The following ADGRL3 variants were observed in gnomAD, a reference collection of about 807,000 sequenced individuals.
ADGRL3 encodes adhesion G protein-coupled receptor L3, also known as calcium-independent alpha-latrotoxin receptor 3.
ADGRL3 carries 62 observed loss-of-function variants against 153.5 expected under a neutral mutation model. The observed-to-expected ratio is 0.40, with a 90% CI of 0.33 to 0.50. The LOEUF is 0.50. ADGRL3 is among the 20% of genes least tolerant of loss of function. ADGRL3 has a pLI of 0.47. For missense variants in ADGRL3, 1,641 were observed against 1,859.4 expected (o/e 0.88, Z 2.16); for synonymous variants, 710 against 672.5 (o/e 1.06, Z -0.86).
At chr4:61,830,455 A>G (rs2097856438) in intron 9 of ADGRL3, among the ~76,000 whole-genome samples, 1 of 152,208 alleles carries the variant, frequency 6.6e-6, no homozygotes, top group Non-Finnish European at 1.5e-5. Context: ...TTCTTTGGAC[A>G]TAACAACATG....
intron 8 of ADGRL3, among the ~76,000 whole-genome samples, chr4:61,761,440 A>C (rs6551654): frequency 0.58 from 88,227 of 152,018 alleles, 28,052 homozygotes; most frequent in African/African-American, 0.83. Context: ...TTTTATGAAT[A>C]AATCAGATTT....
At chr4:61,737,069 G>C (rs922073422) in intron 8 of ADGRL3, among the ~76,000 whole-genome samples, 2 of 150,684 alleles carry the variant, frequency 1.3e-5, no homozygotes, top group African/African-American at 4.9e-5. Context: ...AAATTACATT[G>C]ACTTTTTTTT....
At chr4:61,794,149 T>C (rs1395461466) in intron 8 of ADGRL3, among the ~76,000 whole-genome samples, 1 of 152,184 alleles carries the variant, frequency 6.6e-6, no homozygotes, top group African/African-American at 2.4e-5. Flanking sequence ...ATCATAGTTA[T>C]TTTTGTTGTT....
chr4:61,667,378 C>A (rs1162501241), intron 5 of ADGRL3, among the ~76,000 whole-genome samples: 1 of 151,834 alleles, frequency 6.6e-6, no homozygotes, highest in African/African-American at 2.4e-5. Flanking sequence ...TTTAAATTGC[C>A]ACTGAAAATT....
At chr4:61,548,925 G>A (rs993525475) in intron 4 of ADGRL3, among the ~76,000 whole-genome samples, 9 of 151,916 alleles carry the variant, frequency 5.9e-5, no homozygotes, top group Non-Finnish European at 1.5e-5. Flanking sequence ...CATTGATTTG[G>A]GCAATATGGG....
chr4:61,860,272 A>G (rs1402171194), intron 9 of ADGRL3, among the ~76,000 whole-genome samples: 3 of 152,092 alleles, frequency 2.0e-5, no homozygotes, highest in Non-Finnish European at 4.4e-5. Context: ...AACTTAGGAC[A>G]ACTGAACTGA....
At chr4:61,741,580 C>T (rs960507167) in intron 8 of ADGRL3, among the ~76,000 whole-genome samples, 1 of 152,200 alleles carries the variant, frequency 6.6e-6, no homozygotes, top group African/African-American at 2.4e-5. Flanking sequence ...AGAGCTATTC[C>T]ATTGCCACTT....
intron 5 of ADGRL3, among the ~76,000 whole-genome samples, chr4:61,652,228 A>T (rs1351536540): frequency 2.0e-5 from 3 of 152,202 alleles, no homozygotes; most frequent in African/African-American, 7.2e-5. Context: ...AAGATAATGC[A>T]TGGAGTGCAA....
intron 23 of ADGRL3, among the ~76,000 whole-genome samples, chr4:62,033,509 G>A (rs1014097186): frequency 1.3e-5 from 2 of 151,618 alleles, no homozygotes; most frequent in Admixed American, 6.6e-5. Context: ...TCAAGAAGAA[G>A]TCAGTGGTTG....
At chr4:62,002,822 C>T (rs2099145139) in intron 21 of ADGRL3, among the ~76,000 whole-genome samples, 1 of 152,024 alleles carries the variant, frequency 6.6e-6, no homozygotes, top group Non-Finnish European at 1.5e-5. Context: ...TAGCAAAACT[C>T]TAACCTAATT....
At chr4:62,051,133 GTA>G (rs138231374) in intron 25 of ADGRL3, among the ~76,000 whole-genome samples, 3,968 of 140,072 alleles carry the variant, frequency 0.028, 204 homozygotes, top group African/African-American at 0.1. Context: ...ATATATGTGT[GTA>G]TATATATATA....
intron 17 of ADGRL3, among the ~76,000 whole-genome samples, chr4:61,956,980 G>C (rs762305866): frequency 1.3e-5 from 2 of 152,098 alleles, no homozygotes; most frequent in Non-Finnish European, 2.9e-5. Context: ...GATGCTTCCA[G>C]CTTCATTCTT....
At chr4:61,229,930 G>A (rs1353545795) in intron 1 of ADGRL3, among the ~76,000 whole-genome samples, 1 of 151,612 alleles carries the variant, frequency 6.6e-6, no homozygotes, top group African/African-American at 2.4e-5. Flanking sequence ...ACACATATAT[G>A]TATATACATA....
At chr4:61,371,145 C>G in intron 1 of ADGRL3, among the ~76,000 whole-genome samples, 1 of 150,304 alleles carries the variant, frequency 6.7e-6, no homozygotes, top group East Asian at 2.0e-4. Context: ...AGATGGGTTT[C>G]CTGAATACAG....
intron 19 of ADGRL3, among the ~76,000 whole-genome samples, chr4:61,984,403 G>C (rs942872766): frequency 3.9e-5 from 6 of 152,020 alleles, no homozygotes; most frequent in African/African-American, 1.4e-4. Flanking sequence ...GTCTCAAGAT[G>C]GTGTTTCAAA....
intron 9 of ADGRL3, among the ~76,000 whole-genome samples, chr4:61,877,871 G>C (rs2098484506): frequency 6.6e-6 from 1 of 152,124 alleles, no homozygotes. Context: ...CCTGGGAACA[G>C]TTCCCCCATA....
intron 4 of ADGRL3, among the ~76,000 whole-genome samples, chr4:61,530,398 A>AG (rs2098605304): frequency 6.6e-6 from 1 of 152,072 alleles, no homozygotes; most frequent in Non-Finnish European, 1.5e-5. Context: ...CTAAAAAAAA[A>AG]AAAAATCTTC....
intron 1 of ADGRL3, among the ~76,000 whole-genome samples, chr4:61,376,097 A>T (rs561629205): frequency 1.3e-5 from 2 of 152,252 alleles, no homozygotes; most frequent in Admixed American, 1.3e-4. Context: ...TTACTTGCAA[A>T]GCAAACTTCC....
intron 5 of ADGRL3, among the ~76,000 whole-genome samples, chr4:61,645,946 T>C (rs2093958192): frequency 6.6e-6 from 1 of 152,214 alleles, no homozygotes; most frequent in African/African-American, 2.4e-5. Flanking sequence ...ATTTGGTTTT[T>C]TCACATAGTC....
Sources: gnomAD v4.1 joint callset for allele counts (sites outside exome capture counted in the v4.1 genomes callset) on GRCh38, gnomAD v4.1.1 for gene constraint, MANE v1.5 for transcripts, NCBI Gene and HGNC (gene_info 2026-07-23, HGNC 2026-07-21) for gene names.